Variants in ADAMTSL1 observed in about 807,000 individuals in gnomAD.
The protein encoded by ADAMTSL1 is ADAMTS-like protein 1.
Under a neutral mutation model 201.8 loss-of-function variants are expected in ADAMTSL1, and 126 were observed. The observed-to-expected ratio is 0.62, with a 90% CI of 0.54 to 0.72. The LOEUF is 0.72. Ranked by LOEUF, ADAMTSL1 falls within the 30% of genes least tolerant of loss-of-function variation. The pLI is 0.00. For synonymous variants in ADAMTSL1, 1,121 were observed against 903.4 expected, an observed-to-expected ratio of 1.24 and a Z score of -4.32; for missense variants, 2,679 against 2,277.8, an observed-to-expected ratio of 1.18 and a Z score of -3.59.
chr9:18,125,222 G>A (rs1022973905), intron 1 of ADAMTSL1, among the ~76,000 whole-genome samples: 1 of 152,156 alleles, frequency 6.6e-6, no homozygotes, highest in Non-Finnish European at 1.5e-5. Flanking sequence ...ACGGATGGCA[G>A]CAGGGAAAGA....
chr9:17,909,517 G>C (rs113008341), intron 1 of ADAMTSL1, among the ~76,000 whole-genome samples: 35,338 of 61,008 alleles, frequency 0.58, 15,288 homozygotes, highest in East Asian at 0.87. Context: ...AGGAAGGGAT[G>C]CAGACACATG....
At chr9:18,417,956 T>A (rs1366227001) in intron 2 of ADAMTSL1, among the ~76,000 whole-genome samples, 1 of 152,028 alleles carries the variant, frequency 6.6e-6, no homozygotes, top group Non-Finnish European at 1.5e-5. Flanking sequence ...CTCAACAAAA[T>A]ATTACCAAAT....
chr9:18,107,938 C>G (rs1371963090), intron 1 of ADAMTSL1, among the ~76,000 whole-genome samples: 9 of 152,142 alleles, frequency 5.9e-5, no homozygotes, highest in Non-Finnish European at 4.4e-5. Flanking sequence ...CGCCAAACCA[C>G]TGCCGATTTC....
At chr9:18,247,118 C>CAT (rs1329929894) in intron 2 of ADAMTSL1, among the ~76,000 whole-genome samples, 2 of 151,960 alleles carry the variant, frequency 1.3e-5, no homozygotes, top group Non-Finnish European at 2.9e-5. Flanking sequence ...AGAACAGTCA[C>CAT]ATTAATAAAT....
chr9:18,851,595 GA>G (rs1826494757), intron 23 of ADAMTSL1, among the ~76,000 whole-genome samples: 1 of 152,218 alleles, frequency 6.6e-6, no homozygotes, highest in Non-Finnish European at 1.5e-5. Context: ...AGCAACTTAA[GA>G]GATCCAAGTG....
At position 18,504,925 on chromosome 9, in the gene ADAMTSL1, T is replaced by A. The variant is rs1823042898; in HGVS notation, c.160T>A (p.Ser54Thr). The A allele has an allele frequency of 6.2e-7, 1 of 1,611,330 alleles. No individual in the cohort carries two copies. Among genetic ancestry groups the A allele is most frequent in the Non-Finnish European group, 8.5e-7 (1 of 1,179,418 alleles). ...CTCACGCACCTGCGGGGGTGGGGCC[T>A]CCTACTCTCTGAGGCGCTGCCTGAG... is the stretch of plus-strand genomic sequence containing the variant. ...ECSRTCGGGA[S>T]YSLRRCLSSK... is the part of the protein sequence containing the mutation. Residue 54 changes from serine (S) to threonine (T), a missense_variant, in exon 2 of 29, where the codon TCC (serine) becomes ACC (threonine). By Grantham distance (58) the Ser-to-Thr change is moderately conservative. Coordinates refer to ENST00000380548, the MANE Select transcript of ADAMTSL1 (RefSeq NM_001040272.6).
chr9:18,506,561 G>A (rs1817671736), intron 2 of ADAMTSL1, among the ~76,000 whole-genome samples: 2 of 150,846 alleles, frequency 1.3e-5, no homozygotes, highest in South Asian at 4.2e-4. Context: ...CTGTCATTCA[G>A]CAAATAATCA....
intron 1 of ADAMTSL1, among the ~76,000 whole-genome samples, chr9:17,999,605 C>CA (rs1563941855): frequency 6.8e-6 from 1 of 147,490 alleles, no homozygotes; most frequent in African/African-American, 2.5e-5. Flanking sequence ...TTTTCAGACA[C>CA]TTTTTTTTTT....
At chr9:18,885,707 G>A (rs1019883716) in intron 23 of ADAMTSL1, among the ~76,000 whole-genome samples, 5 of 151,934 alleles carry the variant, frequency 3.3e-5, no homozygotes, top group Non-Finnish European at 5.9e-5. Flanking sequence ...CTTCCAAATA[G>A]TCTGCTCCTA....
chr9:18,883,322 G>T (rs1356417238), intron 23 of ADAMTSL1, among the ~76,000 whole-genome samples: 1 of 152,182 alleles, frequency 6.6e-6, no homozygotes, highest in Non-Finnish European at 1.5e-5. Context: ...GTCCCGGCAT[G>T]ACTTTCTAAT....
intron 3 of ADAMTSL1, among the ~76,000 whole-genome samples, chr9:18,557,933 G>A (rs1821203874): frequency 6.6e-6 from 1 of 152,010 alleles, no homozygotes; most frequent in African/African-American, 2.4e-5. Context: ...AAAGCACAGA[G>A]GAATGGGCAT....
At chr9:18,005,253 G>C (rs867589484) in intron 1 of ADAMTSL1, among the ~76,000 whole-genome samples, 5 of 152,170 alleles carry the variant, frequency 3.3e-5, no homozygotes, top group Middle Eastern at 6.8e-3. Context: ...ATGAGTGGCA[G>C]AGACCTAGAA....
intron 13 of ADAMTSL1, among the ~76,000 whole-genome samples, chr9:18,686,109 CTG>C: frequency 6.6e-6 from 1 of 151,974 alleles, no homozygotes; most frequent in Non-Finnish European, 1.5e-5. Flanking sequence ...TTTGCAGAGA[CTG>C]GGGTTCTCCA....
At chr9:18,807,645 C>CAAAAAAAA (rs1179713904) in intron 20 of ADAMTSL1, among the ~76,000 whole-genome samples, 6 of 68,618 alleles carry the variant, frequency 8.7e-5, no homozygotes, top group East Asian at 4.7e-4. Context: ...GACTCTGTCT[C>CAAAAAAAA]AAAAAAAAAA....
chr9:18,157,296 T>C (rs1197075618), intron 1 of ADAMTSL1, among the ~76,000 whole-genome samples: 3 of 152,086 alleles, frequency 2.0e-5, no homozygotes, highest in Admixed American at 6.6e-5. Context: ...TTACGTTTGA[T>C]AGTTTTATTA....
At chr9:18,090,035 T>G (rs1043927527) in intron 1 of ADAMTSL1, among the ~76,000 whole-genome samples, 4 of 152,316 alleles carry the variant, frequency 2.6e-5, no homozygotes, top group Admixed American at 2.6e-4. Flanking sequence ...AGCACTTTCA[T>G]TTTTAGTTTA....
intron 16 of ADAMTSL1, among the ~76,000 whole-genome samples, chr9:18,755,075 A>G (rs891570510): frequency 2.0e-5 from 3 of 152,192 alleles, no homozygotes; most frequent in Admixed American, 1.3e-4. Flanking sequence ...TACCAAACCT[A>G]TTGTGTATGG....
intron 19 of ADAMTSL1, among the ~76,000 whole-genome samples, chr9:18,791,839 C>G (rs1347833769): frequency 3.9e-5 from 6 of 152,194 alleles, no homozygotes; most frequent in Non-Finnish European, 8.8e-5. Flanking sequence ...TACTCCTATT[C>G]TAGTTCAAAT....
In ADAMTSL1 at chr9:18,478,789, T is replaced by C. The variant is rs1266869773; in HGVS notation, c.63+4494T>C. Among the ~76,000 whole-genome samples, 4 of 152,324 alleles carry C rather than the reference T, an allele frequency of 2.6e-5. No individual in the cohort carries two copies. The East Asian group carries it at 7.7e-4, about 29-fold the overall frequency. ...TGAATAACCTACTGGTTAACTGTAT[T>C]GAGATAATCACAGGAAAATGTGTCT... On this transcript the variant is annotated intron_variant, in intron 1 of 28. Transcript: ENST00000380548.
Sources: gnomAD v4.1 joint callset for allele counts (sites outside exome capture counted in the v4.1 genomes callset) on GRCh38, gnomAD v4.1.1 for gene constraint, MANE v1.5 for transcripts, NCBI Gene and HGNC (gene_info 2026-07-23, HGNC 2026-07-21) for gene names.